The following COPG2 variants were observed in gnomAD, a reference collection of about 807,000 sequenced individuals.
COPG2 encodes the protein coatomer subunit gamma-2.
In COPG2, 37 loss-of-function variants were observed where a neutral mutation model predicts 46.3. The ratio of observed to expected loss-of-function variants is 0.80; its 90% CI spans 0.61 to 1.05. The LOEUF is 1.05. COPG2 is among the 50% of genes least tolerant of loss of function. The pLI, the probability that COPG2 is intolerant of heterozygous loss-of-function variation, is 0.00. For missense variants in COPG2, 427 were observed against 387.8 expected, an observed-to-expected ratio of 1.10 and a Z score of -0.85; for synonymous variants, 159 against 129.7, an observed-to-expected ratio of 1.23 and a Z score of -1.53.
At position 130,660,346 on chromosome 7, in the gene COPG2, C is replaced by A. The variant is rs560807568; in HGVS notation, c.243+2621G>T. Among the ~76,000 whole-genome samples the A allele has an allele frequency of 2.0e-5, 3 of 152,306 alleles. No homozygotes were observed. The East Asian group carries it at 5.8e-4, about 29-fold the overall frequency. Reference sequence around the variant, plus strand: ...TAATCAGCGCCATTATATTCTCTGACACTTTCATCAGCAAAATCCCCTATA... The same window carrying A: ...TAATCAGCGCCATTATATTCTCTGAAACTTTCATCAGCAAAATCCCCTATA... On this transcript the variant is annotated intron_variant, in intron 4 of 23. Transcript: ENST00000425248.
intron 9 of COPG2, among the ~76,000 whole-genome samples, chr7:130,580,318 C>A (rs1378027181): frequency 7.2e-6 from 1 of 139,508 alleles, no homozygotes; most frequent in Non-Finnish European, 1.6e-5. Flanking sequence ...ACACAACATA[C>A]CAGAATCTCT....
intron 6 of COPG2, among the ~76,000 whole-genome samples, chr7:130,614,001 G>C (rs1554452528): frequency 6.6e-6 from 1 of 152,200 alleles, no homozygotes; most frequent in African/African-American, 2.4e-5. Flanking sequence ...TTGAAGTTAT[G>C]AAGATTCCTC....
intron 20 of COPG2, among the ~76,000 whole-genome samples, chr7:130,515,539 G>A (rs1437344598): frequency 6.6e-6 from 1 of 152,190 alleles, no homozygotes; most frequent in African/African-American, 2.4e-5. Flanking sequence ...ACATCCTGGG[G>A]TAAGGCCCTG....
At chr7:130,585,094 G>A (rs571636649) in intron 9 of COPG2, among the ~76,000 whole-genome samples, 3 of 152,104 alleles carry the variant, frequency 2.0e-5, no homozygotes, top group African/African-American at 7.2e-5. Context: ...CACCAAAACA[G>A]CAAGGTACTG....
intron 9 of COPG2, among the ~76,000 whole-genome samples, chr7:130,584,221 C>T (rs370907767): frequency 7.9e-4 from 120 of 152,082 alleles, no homozygotes; most frequent in African/African-American, 2.6e-3. Context: ...ACATGATCAT[C>T]GCAATAGATG....
intron 12 of COPG2, among the ~76,000 whole-genome samples, chr7:130,555,604 A>G (rs998805824): frequency 2.0e-5 from 3 of 152,190 alleles, no homozygotes; most frequent in African/African-American, 7.2e-5. Flanking sequence ...AGGTGGGTGG[A>G]TCACCAAAGG....
At chr7:130,612,082 C>T in intron 8 of COPG2, 70 bp downstream of exon 8, 1 of 1,073,604 alleles carries the variant, frequency 9.3e-7, no homozygotes, top group East Asian at 2.4e-5. Flanking sequence ...GGAATCGATA[C>T]ACTGCCCCTA....
intron 5 of COPG2, among the ~76,000 whole-genome samples, chr7:130,627,773 G>GT (rs1157512024): frequency 3.6e-5 from 5 of 139,248 alleles, no homozygotes; most frequent in Admixed American, 2.9e-4. Flanking sequence ...GATGCGGGGG[G>GT]TGGGGGGTGT....
chr7:130,512,735 T>A (rs940500406), intron 20 of COPG2, among the ~76,000 whole-genome samples: 3 of 151,220 alleles, frequency 2.0e-5, no homozygotes, highest in Admixed American at 6.6e-5. Context: ...ACAGAGTGAG[T>A]TTCCGTCTCA....
At chr7:130,608,400 T>G (rs897334586) in intron 9 of COPG2, 2 of 207,740 alleles carry the variant, frequency 9.6e-6, no homozygotes, top group Admixed American at 5.9e-5. Context: ...CTTTCTCTTG[T>G]CCTTCATTCC....
At chr7:130,599,500 T>G (rs1457096343) in intron 9 of COPG2, among the ~76,000 whole-genome samples, 3 of 152,170 alleles carry the variant, frequency 2.0e-5, no homozygotes, top group Admixed American at 1.3e-4. Context: ...TCATAAATAT[T>G]CTACCCCTTA....
At chr7:130,625,306 T>A (rs549459787) in intron 5 of COPG2, among the ~76,000 whole-genome samples, 1 of 152,318 alleles carries the variant, frequency 6.6e-6, no homozygotes, top group East Asian at 1.9e-4. Context: ...ACTGATTATC[T>A]GGGGTTCCTA....
intron 20 of COPG2, chr7:130,508,981 A>ATTT (rs1165841681): frequency 2.1e-6 from 1 of 474,948 alleles, no homozygotes. Context: ...AAGGGGCCTA[A>ATTT]ATGTTGAAAA....
intron 5 of COPG2, among the ~76,000 whole-genome samples, chr7:130,620,084 C>T (rs571061661): frequency 7.2e-5 from 11 of 152,166 alleles, no homozygotes; most frequent in South Asian, 2.1e-4. Context: ...TATTTTAATA[C>T]GTAGCTATGT....
chr7:130,575,642 A>AT (rs1279926513), intron 9 of COPG2, among the ~76,000 whole-genome samples: 3 of 152,236 alleles, frequency 2.0e-5, no homozygotes, highest in Non-Finnish European at 4.4e-5. Flanking sequence ...AAACAAAAAT[A>AT]TAAGTTAAAA....
At chr7:130,632,411 T>C (rs1554455334) in intron 5 of COPG2, among the ~76,000 whole-genome samples, 1 of 152,236 alleles carries the variant, frequency 6.6e-6, no homozygotes. Flanking sequence ...TTTCATTAAG[T>C]GACTGAGAGC....
intron 20 of COPG2, among the ~76,000 whole-genome samples, chr7:130,538,199 C>G (rs1355417676): frequency 6.6e-6 from 1 of 152,004 alleles, no homozygotes; most frequent in Non-Finnish European, 1.5e-5. Context: ...TGGAGCATGT[C>G]TGGAAGATGA....
At chr7:130,524,088 TG>T (rs1799752452) in intron 20 of COPG2, among the ~76,000 whole-genome samples, 1 of 151,582 alleles carries the variant, frequency 6.6e-6, no homozygotes, top group Admixed American at 6.6e-5. Flanking sequence ...TTCACAAGAA[TG>T]TGAAAGAAAG....
chr7:130,514,178 G>A (rs888559840), intron 20 of COPG2, among the ~76,000 whole-genome samples: 2 of 152,258 alleles, frequency 1.3e-5, no homozygotes, highest in African/African-American at 4.8e-5. Context: ...CGAAGCTTTT[G>A]TGAGAAGTTT....
Sources: gnomAD v4.1 joint callset for allele counts (sites outside exome capture counted in the v4.1 genomes callset) on GRCh38, gnomAD v4.1.1 for gene constraint, MANE v1.5 for transcripts, NCBI Gene and HGNC (gene_info 2026-07-23, HGNC 2026-07-21) for gene names.